Variants in CNOT4 observed in about 807,000 individuals in gnomAD.
The protein encoded by CNOT4 is CCR4-NOT transcription complex subunit 4.
CNOT4 carries 8 observed loss-of-function variants against 73.8 expected under a neutral mutation model. The observed-to-expected ratio is 0.11, with a 90% CI of 0.06 to 0.20. The LOEUF is 0.20. Ranked by LOEUF, CNOT4 falls within the 10% of genes least tolerant of loss-of-function variation. CNOT4 has a pLI of 1.00. For synonymous variants in CNOT4, 293 were observed against 321.1 expected (o/e 0.91, Z 0.94); for missense variants, 564 against 883.4 (o/e 0.64, Z 4.58).
chr7:135,383,721 T>C (rs147838391), intron 10 of CNOT4, among the ~76,000 whole-genome samples: 9 of 152,314 alleles, frequency 5.9e-5, no homozygotes, highest in African/African-American at 1.9e-4. Context: ...ATTGAGTGGT[T>C]ATCACAGTGA....
intron 4 of CNOT4, among the ~76,000 whole-genome samples, 184 bp downstream of exon 4, chr7:135,414,992 G>A (rs1027156451): frequency 6.6e-6 from 1 of 151,408 alleles, no homozygotes; most frequent in African/African-American, 2.4e-5. Flanking sequence ...CCTCTTAATT[G>A]TTAAGTCCTA....
At chr7:135,418,000 T>C (rs573728330) in intron 3 of CNOT4, among the ~76,000 whole-genome samples, 2 of 152,338 alleles carry the variant, frequency 1.3e-5, no homozygotes, top group East Asian at 3.9e-4. Flanking sequence ...GTACTACTTA[T>C]TTATCTACTA....
chr7:135,462,983 C>T (rs1447573540), intron 1 of CNOT4, among the ~76,000 whole-genome samples: 1 of 152,200 alleles, frequency 6.6e-6, no homozygotes, highest in East Asian at 1.9e-4. Flanking sequence ...ATTGGTTAGG[C>T]AATCTTTTCC....
chr7:135,501,764 T>C lies in CNOT4; in HGVS notation c.-93+8125A>G, dbSNP rs1803982435. ...TTTATCTGCCACCATTCCCAGTAAT[T>C]AACACTTTATTCCATTGAGATCAGA... On this transcript the variant is annotated intron_variant, in intron 1 of 11. Transcript: ENST00000541284. 2.0e-5 allele frequency among the ~76,000 whole-genome samples: 3 copies of C among 152,192 alleles called. No individual in the cohort carries two copies. The South Asian group carries it at 6.2e-4, about 32-fold the overall frequency.
At chr7:135,423,263 T>C (rs1025235836) in intron 2 of CNOT4, among the ~76,000 whole-genome samples, 4 of 150,686 alleles carry the variant, frequency 2.7e-5, no homozygotes, top group African/African-American at 9.8e-5. Flanking sequence ...TATTTTAAAC[T>C]GGATAGGAAG....
In CNOT4 at chr7:135,375,956, G is replaced by T. The variant is rs183830154; in HGVS notation, c.1628-11890C>A. 5.3e-5 allele frequency among the ~76,000 whole-genome samples: 8 copies of T among 151,854 alleles called. No individual in the cohort carries two copies. In the East Asian group the frequency reaches 1.5e-3, roughly 29 times the overall value. The stretch of plus-strand genomic sequence containing the variant: ...ATATACAAAAGGGGTGTGTGTGTGT[G>T]TGTATGTGTGTACAGGGGGTGTTGG... On this transcript the variant is annotated intron_variant, in intron 10 of 11. Coordinates refer to ENST00000541284, the MANE Select transcript of CNOT4 (RefSeq NM_001190850.2).
At position 135,372,516 on chromosome 7, in the gene CNOT4, A is replaced by G. The variant is rs189526555; in HGVS notation, c.1628-8450T>C. ...GAACCTGAACTTCAGTAGGTACTGT[A>G]TGTTTCCCAAACATATAACCCTGAA... On this transcript the variant is annotated intron_variant, in intron 10 of 11. Coordinates refer to ENST00000541284, the MANE Select transcript of CNOT4 (RefSeq NM_001190850.2). Among the ~76,000 whole-genome samples, 91 of 149,506 alleles carry G rather than the reference A, an allele frequency of 6.1e-4. 1 individual carries two copies. Among genetic ancestry groups the G allele is most frequent in the African/African-American group, 2.1e-3 (85 of 40,644 alleles).
At chr7:135,415,896 C>T (rs542661202) in intron 3 of CNOT4, among the ~76,000 whole-genome samples, 10 of 152,060 alleles carry the variant, frequency 6.6e-5, no homozygotes, top group African/African-American at 2.4e-4. Context: ...CGTAACATTT[C>T]GGAAACAAAT....
At chr7:135,497,614 C>G (rs1803675202) in intron 1 of CNOT4, among the ~76,000 whole-genome samples, 1 of 152,152 alleles carries the variant, frequency 6.6e-6, no homozygotes, top group African/African-American at 2.4e-5. Flanking sequence ...CCCCTAAATA[C>G]TATTTTAAAC....
At chr7:135,382,859 C>G (rs1408931264) in intron 10 of CNOT4, among the ~76,000 whole-genome samples, 2 of 152,070 alleles carry the variant, frequency 1.3e-5, no homozygotes, top group African/African-American at 4.8e-5. Flanking sequence ...ACTTGAGAAT[C>G]CAAGAATTTT....
chr7:135,384,677 A>G (rs1353803185), intron 10 of CNOT4: 1 of 765,256 alleles, frequency 1.3e-6, no homozygotes, highest in Admixed American at 1.7e-5. Flanking sequence ...GAATGAGCCT[A>G]TCTTCTCTTC....
Position 135,363,808 on chromosome 7 carries a change from C to A in CNOT4, c.1840+46G>T. On this transcript the variant is annotated intron_variant, in intron 11 of 11. Coordinates refer to ENST00000541284, the MANE Select transcript of CNOT4 (RefSeq NM_001190850.2). The surrounding 1 kb of genome is among the most constrained non-coding windows in gnomAD (Gnocchi z 4.3). ...GTTTTTATTTAATCTGTGCTAAAAA[C>A]CAAACTGTTGGCAGTCAGTGTAGCT... The A allele has an allele frequency of 6.8e-7, 1 of 1,477,986 alleles. No individual in the cohort carries two copies. Among genetic ancestry groups the A allele is most frequent in the Non-Finnish European group, 9.2e-7 (1 of 1,092,692 alleles). The allele number at this position is 1,477,986 out of a possible 1,614,324, so 91.6% of individuals were successfully genotyped here.
At position 135,468,239 on chromosome 7, in the gene CNOT4, T is replaced by A. The variant is rs186910589; in HGVS notation, c.-92-29816A>T. The stretch of plus-strand genomic sequence containing the variant: ...TCAAAAAAATAAAATGAAATAAAAA[T>A]AAATAAATAAATAAATAAAATATTA... On this transcript the variant is annotated intron_variant, in intron 1 of 11. Transcript: ENST00000541284. Among the ~76,000 whole-genome samples the A allele has an allele frequency of 3.6e-3, 547 of 151,552 alleles. 4 individuals carry two copies. Among genetic ancestry groups the A allele is most frequent in the African/African-American group, 0.013 (526 of 41,358 alleles).
chr7:135,426,578 G>A (rs1798511558), intron 2 of CNOT4, among the ~76,000 whole-genome samples: 1 of 148,070 alleles, frequency 6.8e-6, no homozygotes, highest in Non-Finnish European at 1.5e-5. Flanking sequence ...ACTCCAGCCT[G>A]GGTGACAGAG....
chr7:135,365,073 A>G (rs574948793), intron 10 of CNOT4, among the ~76,000 whole-genome samples: 8 of 152,360 alleles, frequency 5.3e-5, no homozygotes, highest in Middle Eastern at 3.4e-3. Flanking sequence ...CAACGCTGAG[A>G]AGGAGGAGGA....
chr7:135,380,625 C>A (rs1795791762), intron 10 of CNOT4, among the ~76,000 whole-genome samples: 1 of 152,136 alleles, frequency 6.6e-6, no homozygotes, highest in Non-Finnish European at 1.5e-5. Flanking sequence ...ACTTGAGAGA[C>A]CTACTGTAAT....
intron 10 of CNOT4, among the ~76,000 whole-genome samples, chr7:135,390,421 A>T (rs1033270795): frequency 6.6e-6 from 1 of 152,122 alleles, no homozygotes; most frequent in Admixed American, 6.6e-5. Flanking sequence ...ACTTTGTAGA[A>T]AGAAGGCATA....
At chr7:135,449,242 T>C (rs1226630675) in intron 1 of CNOT4, among the ~76,000 whole-genome samples, 1 of 152,190 alleles carries the variant, frequency 6.6e-6, no homozygotes, top group Non-Finnish European at 1.5e-5. Context: ...GGGAGACGAC[T>C]TCAAATGGCA....
chr7:135,426,363 G>A (rs543137234), intron 2 of CNOT4, among the ~76,000 whole-genome samples: 48 of 152,254 alleles, frequency 3.2e-4, no homozygotes, highest in Middle Eastern at 3.4e-3. Context: ...AGCACTTTGG[G>A]AGGCCAAGGC....
Sources: gnomAD v4.1 joint callset for allele counts (sites outside exome capture counted in the v4.1 genomes callset) on GRCh38, gnomAD v4.1.1 for gene constraint, Gnocchi (gnomAD v3.1) non-coding constraint, MANE v1.5 for transcripts, NCBI Gene and HGNC (gene_info 2026-07-23, HGNC 2026-07-21) for gene names.